The following EFNA4 variants were observed in gnomAD, a reference collection of about 807,000 sequenced individuals.
EFNA4 encodes the protein ephrin-A4.
A neutral mutation model predicts 23.7 loss-of-function variants in EFNA4; 22 were observed. The observed-to-expected ratio is 0.93, with a 90% confidence interval of 0.66 to 1.32. EFNA4 has a LOEUF of 1.32. Ranked by LOEUF, EFNA4 falls within the 40% of genes most tolerant of loss-of-function variation. The pLI is 0.00. For missense variants in EFNA4, 252 were observed against 252.3 expected, an observed-to-expected ratio of 1.00 and a Z score of 0.01; for synonymous variants, 113 against 108.3, an observed-to-expected ratio of 1.04 and a Z score of -0.27.
chr1:155,065,545 T>A (rs991424731), intron 1 of EFNA4, among the ~76,000 whole-genome samples: 37 of 148,392 alleles, frequency 2.5e-4, no homozygotes, highest in East Asian at 5.8e-4. Context: ...TTTTTTTTTT[T>A]AATTTTTAGA....
Position 155,067,372 on chromosome 1 carries a change from C to T in EFNA4, c.401C>T (p.Ser134Leu), listed in dbSNP as rs1213932996. The T allele has an allele frequency of 9.9e-6, 16 of 1,614,016 alleles. No homozygotes were observed. Among genetic ancestry groups the T allele is most frequent in the Non-Finnish European group, 1.3e-5 (15 of 1,180,018 alleles). ...FLPGETYYYI[S>L]VPTPESSGQC... ...TTTTTCCCACTTTCCCACTACCCAG[C>T]GGTGCCCACTCCAGAGAGTTCTGGC... is the stretch of plus-strand genomic sequence containing the variant. The change falls in exon 3 of 4, where the codon TCG becomes TTG. Residue 134 changes from serine to leucine, a missense_variant and splice_region_variant. Transcript: ENST00000368409.
At position 155,068,282 on chromosome 1, in the gene EFNA4, A is replaced by G. The variant is rs1571654815; in HGVS notation, c.470-571A>G. 3.4e-5 allele frequency among the ~76,000 whole-genome samples: 5 copies of G among 148,986 alleles called. No homozygotes were observed. In the South Asian group the frequency reaches 1.1e-3, roughly 32 times the overall value. On this transcript the variant is annotated intron_variant, in intron 3 of 3. Coordinates refer to ENST00000368409, the MANE Select transcript of EFNA4 (RefSeq NM_005227.3). ...CACACTTTTTTTTTTTTTTTGAGACAGAGTCTCGCTCTCGCTCTGTCGCCC... is the reference window on the plus strand; with the variant it reads ...CACACTTTTTTTTTTTTTTTGAGACGGAGTCTCGCTCTCGCTCTGTCGCCC...
intron 2 of EFNA4, 54 bp downstream of exon 2, chr1:155,067,070 G>C: frequency 6.5e-7 from 1 of 1,545,516 alleles, no homozygotes; most frequent in Non-Finnish European, 8.7e-7. Flanking sequence ...GGGTAGGGAG[G>C]GGGAAGGAGA....
intron 1 of EFNA4, among the ~76,000 whole-genome samples, chr1:155,065,282 C>T (rs1662984718): frequency 6.6e-6 from 1 of 152,152 alleles, no homozygotes; most frequent in Non-Finnish European, 1.5e-5. Context: ...CCACTGGAGG[C>T]TTTTCCTAAG....
At chr1:155,068,574 A>T (rs953735372) in intron 3 of EFNA4, among the ~76,000 whole-genome samples, 1 of 151,216 alleles carries the variant, frequency 6.6e-6, no homozygotes, top group East Asian at 1.9e-4. Flanking sequence ...GAGCCATCAC[A>T]CCCGACATAC....
intron 1 of EFNA4, among the ~76,000 whole-genome samples, chr1:155,065,142 G>A (rs1220097487): frequency 1.3e-5 from 2 of 152,178 alleles, no homozygotes; most frequent in Admixed American, 6.5e-5. Flanking sequence ...TTCCAGGCAC[G>A]GGGGATGCAG....
Position 155,066,606 on chromosome 1 carries a change from C to T in EFNA4, c.114-124C>T, listed in dbSNP as rs180760187. 4.7e-5 allele frequency: 58 copies of T among 1,223,158 alleles called. No individual in the cohort carries two copies. In the Admixed American group the frequency reaches 1.2e-3, roughly 25 times the overall value. The allele number at this position is 1,223,158 out of a possible 1,614,324, so 75.8% of individuals were successfully genotyped here. ...TCTGGGAACCTCGGGCCTTCCTGAGCTGCTCCATCGCACATGGGTGGAGGA... is the reference window on the plus strand; with the variant it reads ...TCTGGGAACCTCGGGCCTTCCTGAGTTGCTCCATCGCACATGGGTGGAGGA... On this transcript the variant is annotated intron_variant, in intron 1 of 3. Coordinates refer to ENST00000368409, the MANE Select transcript of EFNA4 (RefSeq NM_005227.3).
intron 3 of EFNA4, 25 bp from the exon 4 acceptor site, chr1:155,068,828 C>T (rs1663111475): frequency 6.3e-7 from 1 of 1,584,668 alleles, no homozygotes; most frequent in Non-Finnish European, 8.6e-7. Flanking sequence ...GAGGACTGAT[C>T]AGTGCTACCC....
intron 3 of EFNA4, among the ~76,000 whole-genome samples, chr1:155,067,750 T>G (rs1049588049): frequency 6.6e-6 from 1 of 151,566 alleles, no homozygotes. Flanking sequence ...GCCTCCGGAG[T>G]AGCTGGGACT....
At chr1:155,066,098 G>T (rs1033639217) in intron 1 of EFNA4, among the ~76,000 whole-genome samples, 1 of 151,920 alleles carries the variant, frequency 6.6e-6, no homozygotes, top group African/African-American at 2.4e-5. Flanking sequence ...TGAACTCCTG[G>T]CCTCAAGCGA....
At position 155,063,958 on chromosome 1, in the gene EFNA4, A is replaced by G. The variant is rs1302974580; in HGVS notation, c.113+22A>G. ...CCAGGTAGCCGGGCCGAACCGGGCG[A>G]GCGCACAGCCAAGTCTGCGCGCTCC... On this transcript the variant is annotated intron_variant, in intron 1 of 3. Transcript: ENST00000368409. This position sits in a 1 kb window ranked among gnomAD's most constrained non-coding sequence, Gnocchi z 4.1. 6 of 1,524,644 alleles carry G rather than the reference A, an allele frequency of 3.9e-6. No individual in the cohort carries two copies. Among genetic ancestry groups the G allele is most frequent in the Admixed American group, 2.1e-5 (1 of 48,748 alleles). The allele number at this position is 1,524,644 out of a possible 1,614,324, so 94.4% of individuals were successfully genotyped here. A position where few individuals can be genotyped will look rare whatever the true frequency, so the allele number is the denominator to read the frequency against.
At position 155,069,187 on chromosome 1, in the gene EFNA4, A is replaced by G. The variant is rs1375754714; in HGVS notation, c.*198A>G. On this transcript the variant is annotated 3_prime_UTR_variant, in exon 4 of 4. Transcript: ENST00000368409. Reference sequence around the variant, plus strand: ...ATCACAGGCTAAAGAAGAGCAGTAGACAGCCCTGGACACTCTGAAGCAGAG... The same window carrying G: ...ATCACAGGCTAAAGAAGAGCAGTAGGCAGCCCTGGACACTCTGAAGCAGAG... The G allele has an allele frequency of 6.3e-7, 1 of 1,588,472 alleles. No individual in the cohort carries two copies. Among genetic ancestry groups the G allele is most frequent in the Admixed American group, 2.0e-5 (1 of 51,078 alleles).
chr1:155,067,770 C>G (rs976312009), intron 3 of EFNA4, among the ~76,000 whole-genome samples: 1 of 151,240 alleles, frequency 6.6e-6, no homozygotes. Context: ...TACAGGCACC[C>G]GCCACCACAC....
chr1:155,065,772 T>G (rs1288232106), intron 1 of EFNA4, among the ~76,000 whole-genome samples: 62 of 149,994 alleles, frequency 4.1e-4, no homozygotes, highest in Admixed American at 2.7e-4. Flanking sequence ...TCGCTCTGTC[T>G]CCCAGGCTGG....
intron 1 of EFNA4, among the ~76,000 whole-genome samples, chr1:155,064,481 G>A (rs1444041721): frequency 6.6e-6 from 1 of 152,224 alleles, no homozygotes; most frequent in Non-Finnish European, 1.5e-5. Flanking sequence ...CTCTGGGCAA[G>A]TCTCGTGACC....
At chr1:155,064,050 G>T in intron 1 of EFNA4, 114 bp downstream of exon 1, 1 of 794,872 alleles carries the variant, frequency 1.3e-6, no homozygotes, top group Non-Finnish European at 1.8e-6. Flanking sequence ...GCGCGCCGGG[G>T]CTCCTTTGTT....
At chr1:155,066,531 G>A (rs1000261643) in intron 1 of EFNA4, among the ~76,000 whole-genome samples, 199 bp from the exon 2 acceptor site, 1 of 152,186 alleles carries the variant, frequency 6.6e-6, no homozygotes, top group Admixed American at 6.5e-5. Flanking sequence ...CCTGTGAATC[G>A]ATCATCTCAT....
In EFNA4 at chr1:155,066,813, C is replaced by T. The variant is rs199824664; in HGVS notation, c.197C>T (p.Pro66Leu). Residue 66 changes from proline (P) to leucine (L), a missense_variant, in exon 2 of 4, where the codon CCC becomes CTC. By Grantham distance (98) the Pro-to-Leu change is moderately conservative. Coordinates refer to ENST00000368409, the MANE Select transcript of EFNA4 (RefSeq NM_005227.3). ...TGCCCCCACTACGAAGGCCCAGGGC[C>T]CCCTGAGGGCCCCGAGACGTTTGCT... The part of the protein sequence containing the change: ...IVCPHYEGPG[P>L]PEGPETFALY... 1 of 1,613,876 alleles carries T rather than the reference C, an allele frequency of 6.2e-7. No homozygotes were observed. The highest frequency in any genetic ancestry group is 2.2e-5 in the East Asian group (1 of 44,880).
chr1:155,067,131 A>G (rs1309422293), intron 2 of EFNA4, 115 bp downstream of exon 2: 3 of 1,327,870 alleles, frequency 2.3e-6, no homozygotes, highest in East Asian at 2.3e-5. Flanking sequence ...GGGTTGAGGT[A>G]TGGGCTGAAC....
Sources: allele counts gnomAD v4.1 joint callset (sites outside exome capture counted in the v4.1 genomes callset), GRCh38; gene constraint gnomAD v4.1.1; non-coding constraint Gnocchi (gnomAD v3.1); transcripts MANE v1.5; gene names NCBI Gene and HGNC (gene_info 2026-07-23, HGNC 2026-07-21).